HECTD4: variants seen among roughly 807,000 people sequenced by gnomAD.
HECTD4 encodes the protein probable E3 ubiquitin-protein ligase HECTD4.
A neutral mutation model predicts 471.5 loss-of-function variants in HECTD4; 114 were observed. The ratio of observed to expected loss-of-function variants is 0.24; its 90% CI spans 0.21 to 0.28. The LOEUF (loss-of-function observed/expected upper bound fraction) is 0.28, where lower values mean the gene tolerates loss of function less well. Ranked by LOEUF, HECTD4 falls within the 10% of genes least tolerant of loss-of-function variation. The probability of loss-of-function intolerance (pLI) is 1.00; values close to 1 mark genes in which losing one functional copy is unlikely to be tolerated. For synonymous variants in HECTD4, 2,012 were observed against 2,256.0 expected, an observed-to-expected ratio of 0.89 and a Z score of 3.07; for missense variants, 3,866 against 5,651.5, an observed-to-expected ratio of 0.68 and a Z score of 10.13.
In HECTD4 at chr12:112,213,693, T is replaced by A. The variant is rs1391552187; in HGVS notation, c.7466-1043A>T. On this transcript the variant is annotated intron_variant, in intron 48 of 75. Coordinates refer to ENST00000682272, the MANE Select transcript of HECTD4 (RefSeq NM_001388303.1). The surrounding 1 kb of genome is among the most constrained non-coding windows in gnomAD (Gnocchi z 4.0). ...AGAGCAAGACTCCGTCTCAAAAAAATATATACATATATATATATATATATA... is the reference window on the plus strand; with the variant it reads ...AGAGCAAGACTCCGTCTCAAAAAAAAATATACATATATATATATATATATA... 4.0e-5 allele frequency among the ~76,000 whole-genome samples: 5 copies of A among 126,532 alleles called. No homozygotes were observed. Among genetic ancestry groups the A allele is most frequent in the Non-Finnish European group, 6.3e-5 (4 of 63,612 alleles). 83.0% of individuals were successfully genotyped at this position (126,532 alleles called of 152,430 possible).
intron 55 of HECTD4, among the ~76,000 whole-genome samples, chr12:112,196,323 A>G (rs950738101): frequency 2.6e-5 from 4 of 152,188 alleles, no homozygotes; most frequent in African/African-American, 9.7e-5. Flanking sequence ...AGATAAACAA[A>G]AAGAAGACAG....
intron 37 of HECTD4, 77 bp from the exon 38 acceptor site, chr12:112,233,162 C>T (rs2033422497): frequency 9.1e-7 from 1 of 1,099,136 alleles, no homozygotes; most frequent in Non-Finnish European, 1.4e-6. Flanking sequence ...TGGGGTCACC[C>T]AGTCATGGTG....
chr12:112,168,260 G>A (rs1337001699), intron 70 of HECTD4, among the ~76,000 whole-genome samples: 1 of 152,236 alleles, frequency 6.6e-6, no homozygotes, highest in Non-Finnish European at 1.5e-5. Context: ...ACAGCTGCAA[G>A]CCTGCCTGAG....
intron 55 of HECTD4, among the ~76,000 whole-genome samples, chr12:112,199,214 C>T (rs1593921314): frequency 6.6e-6 from 1 of 152,186 alleles, no homozygotes; most frequent in East Asian, 1.9e-4. Flanking sequence ...GTGAGGACCC[C>T]TGTTGAAGAA....
intron 55 of HECTD4, among the ~76,000 whole-genome samples, chr12:112,196,845 G>C (rs933276428): frequency 3.9e-5 from 6 of 152,050 alleles, no homozygotes; most frequent in Admixed American, 1.3e-4. Context: ...ACTCAGGCTG[G>C]AGTGCAGTGG....
chr12:112,178,989 T>G lies in HECTD4; in HGVS notation c.11305A>C (p.Thr3769Pro), dbSNP rs1593899843. Residue 3769 changes from threonine (T) to proline (P), a missense_variant, in exon 64 of 76, where the codon ACC becomes CCC. This residue lies in a region of HECTD4 where 715 missense variants were observed against 1,087.6 expected (regional missense o/e 0.66). Transcript: ENST00000682272. ...KEQHPVKVVS[T>P]KRPITKPPAK... ...GGCGGCTTGGTGATAGGCCGCTTGG[T>G]GCTCACCACCTTCACGGGGTGCTGC... is the stretch of plus-strand genomic sequence containing the variant. The G allele has an allele frequency of 7.4e-6, 12 of 1,613,210 alleles. No homozygotes were observed. Among genetic ancestry groups the G allele is most frequent in the Non-Finnish European group, 1.0e-5 (12 of 1,179,720 alleles).
chr12:112,208,374 T>C (rs976130856), intron 51 of HECTD4, 120 bp downstream of exon 51: 28 of 1,014,458 alleles, frequency 2.8e-5, no homozygotes, highest in Non-Finnish European at 3.2e-5. Context: ...ATGATGTCAC[T>C]GAGAGTAACA....
At chr12:112,283,806 A>AAAG (rs1213280471) in intron 7 of HECTD4, among the ~76,000 whole-genome samples, 5 of 152,162 alleles carry the variant, frequency 3.3e-5, no homozygotes, top group Non-Finnish European at 7.4e-5. Flanking sequence ...AATACACATC[A>AAAG]ACTTCAACTG....
intron 2 of HECTD4, among the ~76,000 whole-genome samples, chr12:112,315,322 G>A (rs1183739808): frequency 6.6e-6 from 1 of 152,182 alleles, no homozygotes; most frequent in Non-Finnish European, 1.5e-5. Flanking sequence ...TTTAATTGCT[G>A]GGTATCATAT....
At chr12:112,373,541 A>G (rs1050195042) in intron 1 of HECTD4, among the ~76,000 whole-genome samples, 2 of 152,142 alleles carry the variant, frequency 1.3e-5, no homozygotes, top group Non-Finnish European at 2.9e-5. Flanking sequence ...AAAACAAAAC[A>G]AAAATAATAA....
chr12:112,205,360 G>A (rs2032545890), intron 52 of HECTD4, among the ~76,000 whole-genome samples: 1 of 152,072 alleles, frequency 6.6e-6, no homozygotes, highest in Admixed American at 6.5e-5. Context: ...TTTGAACCCG[G>A]GAGGTGGAGG....
chr12:112,191,489 A>G (rs1157651004), intron 59 of HECTD4, among the ~76,000 whole-genome samples: 1 of 152,194 alleles, frequency 6.6e-6, no homozygotes, highest in Non-Finnish European at 1.5e-5. Context: ...AAAGCTGTCT[A>G]CAGTGAGAGG....
In HECTD4 at chr12:112,203,707, G is replaced by C. The variant is rs762074165; in HGVS notation, c.8335C>G (p.Leu2779Val). ...ATCCCTCGGATGGCAAATTTTGGCA[G>C]AGCAGTTCCAACAGCACTGCTGGCT... ...NVASSAVGTALPKFAIRGMLK... is the reference protein window; with the variant it reads ...NVASSAVGTAVPKFAIRGMLK... The change falls in exon 54 of 76, where the codon CTG (leucine) becomes GTG (valine). Residue 2779 changes from leucine (L) to valine (V), a missense_variant. Around this residue, in one of 16 missense-constraint regions of HECTD4, gnomAD observed 266 missense variants for 441.6 expected, o/e 0.60. Transcript: ENST00000682272. The C allele has an allele frequency of 6.2e-7, 1 of 1,612,922 alleles. No individual in the cohort carries two copies. The highest frequency in any genetic ancestry group is 1.3e-5 in the African/African-American group (1 of 75,032).
intron 20 of HECTD4, among the ~76,000 whole-genome samples, chr12:112,257,606 C>T (rs1410928750): frequency 6.6e-6 from 1 of 152,074 alleles, no homozygotes; most frequent in Non-Finnish European, 1.5e-5. Context: ...TAGTATGTGG[C>T]TTCTTTCACT....
intron 14 of HECTD4, among the ~76,000 whole-genome samples, chr12:112,266,460 T>A (rs1243021297): frequency 6.6e-6 from 1 of 152,240 alleles, no homozygotes; most frequent in African/African-American, 2.4e-5. Flanking sequence ...CTGGTTGAAG[T>A]GTAAGCATAT....
chr12:112,221,182 A>T (rs933298593), intron 44 of HECTD4, among the ~76,000 whole-genome samples: 2 of 151,720 alleles, frequency 1.3e-5, no homozygotes, highest in Non-Finnish European at 2.9e-5. Context: ...AATTACAATT[A>T]AAAAAAAGCA....
At chr12:112,363,213 G>A (rs1031687947) in intron 1 of HECTD4, among the ~76,000 whole-genome samples, 2 of 151,804 alleles carry the variant, frequency 1.3e-5, no homozygotes, top group South Asian at 4.2e-4. Flanking sequence ...CATGTAATAT[G>A]TATTCATGTG....
intron 1 of HECTD4, among the ~76,000 whole-genome samples, chr12:112,323,577 C>A (rs2035627455): frequency 6.6e-6 from 1 of 150,954 alleles, no homozygotes. Flanking sequence ...TGTATGATTT[C>A]ATTTCTGTGA....
At position 112,243,740 on chromosome 12, in the gene HECTD4, G is replaced by A; in HGVS notation, c.4671C>T (p.His1557=). The A allele has an allele frequency of 6.2e-7, 1 of 1,613,724 alleles. No homozygotes were observed. Among genetic ancestry groups the A allele is most frequent in the South Asian group, 1.1e-5 (1 of 91,050 alleles). The part of the protein sequence containing the change: ...ANQRRRHVTS[H]RSSSFTLLQS... ...GCAGGAGTGTAAAGGAGCTGCTGCG[G>A]TGGCTGGTCACGTGGCGACGCCTAC... Residue 1557 remains histidine (H), a synonymous_variant, in exon 31 of 76, where the codon CAC becomes CAT. Transcript: ENST00000682272. This position sits in a 1 kb window ranked among gnomAD's most constrained non-coding sequence, Gnocchi z 6.6.
Sources: allele counts gnomAD v4.1 joint callset (sites outside exome capture counted in the v4.1 genomes callset), GRCh38; gene constraint gnomAD v4.1.1; regional missense constraint gnomAD v4.1.1; non-coding constraint Gnocchi (gnomAD v3.1); transcripts MANE v1.5; gene names NCBI Gene and HGNC (gene_info 2026-07-23, HGNC 2026-07-21).